AKT1S1: variants seen among roughly 807,000 people sequenced by gnomAD.
The protein encoded by AKT1S1 is proline-rich AKT1 substrate 1.
In AKT1S1, 17 loss-of-function variants were observed where a neutral mutation model predicts 21.2. That is an observed-to-expected ratio of 0.80 (90% confidence interval 0.55 to 1.20). The LOEUF is 1.20. Ranked by LOEUF, AKT1S1 falls within the 50% of genes most tolerant of loss-of-function variation. The probability of loss-of-function intolerance (pLI) is 0.00; values close to 1 mark genes in which losing one functional copy is unlikely to be tolerated. For synonymous variants in AKT1S1, 181 were observed against 165.6 expected (o/e 1.09, Z -0.72); for missense variants, 366 against 368.3 (o/e 0.99, Z 0.05).
At position 49,872,910 on chromosome 19, in the gene AKT1S1, C is replaced by G. The variant is rs761821397; in HGVS notation, c.379+7G>C. On this transcript the variant is annotated splice_region_variant and intron_variant, in intron 2 of 4. Transcript: ENST00000344175. ...GGCCGCACCCGCCCCTGCCCCCACCCTCTCACCTCCATTATCACTAATGCC... is the reference window on the plus strand; with the variant it reads ...GGCCGCACCCGCCCCTGCCCCCACCGTCTCACCTCCATTATCACTAATGCC... The G allele has an allele frequency of 6.3e-7, 1 of 1,596,584 alleles. No homozygotes were observed.
Position 49,871,583 on chromosome 19 carries a change from C to T in AKT1S1, c.591G>A (p.Arg197=), listed in dbSNP as rs765084175. 1 of 1,614,094 alleles carries T rather than the reference C, an allele frequency of 6.2e-7. No individual in the cohort carries two copies. Among genetic ancestry groups the T allele is most frequent in the East Asian group, 2.2e-5 (1 of 44,876 alleles). ...SVPVWGFKEK[R]TEARSSDEEN... The stretch of plus-strand genomic sequence containing the variant: ...CCTCATCTGATGACCGCGCCTCTGT[C>T]CTCTTCTCCTTGAAGCCCCAGACGG... The change falls in exon 4 of 5, where the codon AGG becomes AGA. Residue 197 remains arginine (R), a synonymous_variant. Transcript: ENST00000344175.
At chr19:49,877,807 C>G, upstream of AKT1S1, 1 of 1,536,432 alleles carries the variant, frequency 6.5e-7, no homozygotes. Flanking sequence ...TAGTGATCAG[C>G]TCTTCTCTCA....
At chr19:49,877,033 A>G (rs1035795048) in intron 1 of AKT1S1, 1 of 225,520 alleles carries the variant, frequency 4.4e-6, no homozygotes, top group African/African-American at 2.3e-5. Context: ...ACCTGCTCCC[A>G]TTCGGCACGA....
intron 1 of AKT1S1, chr19:49,876,052 A>G (rs2074938106): frequency 4.1e-6 from 4 of 985,454 alleles, no homozygotes; most frequent in Non-Finnish European, 4.8e-6. Context: ...GAGGAGGGAA[A>G]AGAGCTAAGG....
intron 1 of AKT1S1, chr19:49,876,012 C>T: frequency 1.0e-6 from 1 of 985,372 alleles, no homozygotes; most frequent in South Asian, 4.7e-5. Context: ...GGAGGGGGAG[C>T]ACGATGTGGC....
intron 1 of AKT1S1, chr19:49,876,823 G>A (rs949487178): frequency 1.4e-6 from 1 of 690,466 alleles, no homozygotes. Context: ...CCCGCCTAGA[G>A]CATTTCCATT....
upstream of AKT1S1, chr19:49,877,965 T>TGGAACGCACGTCAGCATC (rs2122413339): frequency 1.5e-6 from 1 of 669,306 alleles, no homozygotes; most frequent in Admixed American, 3.1e-5. Context: ...CTGCCCCCTG[T>TGGAACGCACGTCAGCATC]GGAACGCACG....
chr19:49,878,298 G>C (rs943318246), upstream of AKT1S1: 1 of 1,486,822 alleles, frequency 6.7e-7, no homozygotes, highest in Non-Finnish European at 9.2e-7. Flanking sequence ...AGGCGGTCTG[G>C]GATGCAGGCG....
In AKT1S1 at chr19:49,869,726, TGCCGCTC is replaced by T; in HGVS notation, c.*184_*190del. Reference sequence around the variant, plus strand: ...AGACCCAATCGGGAAACGGGACAGATGCCGCTCCTCGGCGCGGCAGGTCGTGGGCTGG... The same window carrying T: ...AGACCCAATCGGGAAACGGGACAGATCTCGGCGCGGCAGGTCGTGGGCTGG... On this transcript the variant is annotated 3_prime_UTR_variant, in exon 5 of 5. Transcript: ENST00000344175. 1.7e-6 allele frequency: 1 copy of T among 587,736 alleles called. No homozygotes were observed. The allele number at this position is 587,736 out of a possible 1,614,324, so 36.4% of individuals were successfully genotyped here.
upstream of AKT1S1, chr19:49,878,068 G>A: frequency 7.9e-7 from 1 of 1,267,792 alleles, no homozygotes; most frequent in Non-Finnish European, 1.1e-6. Flanking sequence ...GCTCCTCCCT[G>A]GGCCCGTCCC....
chr19:49,878,111 GC>G, upstream of AKT1S1: 1 of 1,541,780 alleles, frequency 6.5e-7, no homozygotes. Context: ...CCTCGCTTGG[GC>G]CCCAGCCCTC....
intron 4 of AKT1S1, among the ~76,000 whole-genome samples, chr19:49,870,909 G>A (rs1600429469): frequency 6.6e-6 from 1 of 152,208 alleles, no homozygotes; most frequent in South Asian, 2.1e-4. Flanking sequence ...TGTGACTGCT[G>A]GTTTGCATAT....
Position 49,873,500 on chromosome 19 carries a change from G to A in AKT1S1, c.-7-198C>T, listed in dbSNP as rs1277390956. The A allele has an allele frequency of 1.7e-5, 17 of 1,020,180 alleles. No individual in the cohort carries two copies. The highest frequency in any genetic ancestry group is 8.1e-5 in the Admixed American group (2 of 24,642). The allele number at this position is 1,020,180 out of a possible 1,614,324, so 63.2% of individuals were successfully genotyped here. The stretch of plus-strand genomic sequence containing the variant: ...AGTCCTCGCAGGCCCAGACCCTGGC[G>A]ACGTCCTCTGCCCCAACCCATTCCT... On this transcript the variant is annotated intron_variant, in intron 1 of 4. Coordinates refer to ENST00000344175, the MANE Select transcript of AKT1S1 (RefSeq NM_001098633.4). This position sits in a 1 kb window ranked among gnomAD's most constrained non-coding sequence, Gnocchi z 6.9.
In AKT1S1 at chr19:49,873,215, C is replaced by T; in HGVS notation, c.81G>A (p.Glu27=). The T allele has an allele frequency of 1.3e-6, 2 of 1,535,198 alleles. No homozygotes were observed. The highest frequency in any genetic ancestry group is 8.7e-7 in the Non-Finnish European group (1 of 1,149,838). ...AERFRARTGT[E]LVLLTAAPPP... ...GCGGGGCCGCGGTCAGCAGCACCAG[C>T]TCCGTGCCAGTCCGGGCCCGGAAGC... The change falls in exon 2 of 5, where the codon GAG becomes GAA. Residue 27 remains glutamate, a synonymous_variant. Transcript: ENST00000344175. This position sits in a 1 kb window ranked among gnomAD's most constrained non-coding sequence, Gnocchi z 6.9.
chr19:49,872,040 C>CGAGA, intron 2 of AKT1S1, 151 bp from the exon 3 acceptor site: 1 of 854,842 alleles, frequency 1.2e-6, no homozygotes, highest in South Asian at 1.5e-5. Context: ...AAACAACTTC[C>CGAGA]TCTAGCAGCC....
In AKT1S1 at chr19:49,870,063, G is replaced by GCGGGGACGGCGACGGGGCGAGGT. The variant is rs778106705; in HGVS notation, c.628-26_628-4dup. ...CGGTCCAGGTCGGGCGAAGAGGGCTGCGGGGACGGCGACGGGGCGAGGTCA... is the reference window on the plus strand; with the variant it reads ...CGGTCCAGGTCGGGCGAAGAGGGCTGCGGGGACGGCGACGGGGCGAGGTCGGGGACGGCGACGGGGCGAGGTCA... On this transcript the variant is annotated splice_region_variant and splice_polypyrimidine_tract_variant and intron_variant, in intron 4 of 4. Transcript: ENST00000344175. The GCGGGGACGGCGACGGGGCGAGGT allele has an allele frequency of 1.3e-6, 2 of 1,524,470 alleles. No homozygotes were observed. Among genetic ancestry groups the GCGGGGACGGCGACGGGGCGAGGT allele is most frequent in the Non-Finnish European group, 1.8e-6 (2 of 1,132,432 alleles). 94.4% of individuals were successfully genotyped at this position (1,524,470 alleles called of 1,614,324 possible).
chr19:49,874,217 G>A (rs1029781803), intron 1 of AKT1S1: 1 of 152,394 alleles, frequency 6.6e-6, no homozygotes, highest in African/African-American at 2.4e-5. Context: ...GATCCAGCCA[G>A]TCTGCTCCAT....
intron 4 of AKT1S1, among the ~76,000 whole-genome samples, chr19:49,870,664 C>T (rs1314658111): frequency 6.6e-6 from 1 of 152,224 alleles, no homozygotes; most frequent in Non-Finnish European, 1.5e-5. Flanking sequence ...GGAGCTGGGC[C>T]TGTCCCCTCG....
intron 1 of AKT1S1, chr19:49,875,313 G>A (rs899230171): frequency 5.3e-5 from 8 of 150,258 alleles, no homozygotes; most frequent in African/African-American, 2.0e-4. Flanking sequence ...AGAGAGCTTA[G>A]GACACTGGCA....
Sources: gnomAD v4.1 joint callset for allele counts (sites outside exome capture counted in the v4.1 genomes callset) on GRCh38, gnomAD v4.1.1 for gene constraint, Gnocchi (gnomAD v3.1) non-coding constraint, MANE v1.5 for transcripts, NCBI Gene and HGNC (gene_info 2026-07-23, HGNC 2026-07-21) for gene names.